Variants in RNF135 observed in about 807,000 individuals in gnomAD.
The protein encoded by RNF135 is E3 ubiquitin-protein ligase RNF135.
Under a neutral mutation model 41.9 loss-of-function variants are expected in RNF135, and 46 were observed. That is an observed-to-expected ratio of 1.10 (90% confidence interval 0.87 to 1.40). The LOEUF is 1.40. RNF135 is among the 40% of genes most tolerant of loss of function. The probability of loss-of-function intolerance (pLI) is 0.00; values close to 1 mark genes in which losing one functional copy is unlikely to be tolerated. For missense variants in RNF135, 539 were observed against 549.8 expected, an observed-to-expected ratio of 0.98 and a Z score of 0.20; for synonymous variants, 238 against 223.8, an observed-to-expected ratio of 1.06 and a Z score of -0.57.
intron 2 of RNF135, among the ~76,000 whole-genome samples, chr17:30,985,077 C>A (rs1005056618): frequency 6.6e-6 from 1 of 152,206 alleles, no homozygotes; most frequent in Non-Finnish European, 1.5e-5. Flanking sequence ...CAGCCTTTGA[C>A]ACTGTGGACC....
chr17:30,974,271 T>G (rs1352657835), intron 1 of RNF135, among the ~76,000 whole-genome samples: 1 of 152,244 alleles, frequency 6.6e-6, no homozygotes, highest in African/African-American at 2.4e-5. Flanking sequence ...TCTGTACTTA[T>G]GCTGGTACCA....
intron 1 of RNF135, among the ~76,000 whole-genome samples, chr17:30,980,905 C>T (rs7208448): frequency 0.014 from 2,041 of 150,916 alleles, 54 homozygotes; most frequent in African/African-American, 0.047. Context: ...AGGGGCTCCT[C>T]ATATCCCAGA....
Position 30,987,821 on chromosome 17 carries a change from G to A in RNF135, c.517-123G>A, listed in dbSNP as rs542385576. 3.3e-4 allele frequency: 323 copies of A among 988,280 alleles called. No homozygotes were observed. In the African/African-American group the frequency reaches 4.7e-3, roughly 14 times the overall value. The allele number at this position is 988,280 out of a possible 1,614,324, so 61.2% of individuals were successfully genotyped here. On this transcript the variant is annotated intron_variant, in intron 2 of 4. Coordinates refer to ENST00000328381, the MANE Select transcript of RNF135 (RefSeq NM_032322.4). ...GCATATTTTTTGAGGGCCTAATTTTGTTTTTAAAAACTTGCTGGGAATTAA... is the reference window on the plus strand; with the variant it reads ...GCATATTTTTTGAGGGCCTAATTTTATTTTTAAAAACTTGCTGGGAATTAA...
chr17:30,987,609 C>A (rs915714246), intron 2 of RNF135, among the ~76,000 whole-genome samples: 1 of 152,106 alleles, frequency 6.6e-6, no homozygotes, highest in African/African-American at 2.4e-5. Flanking sequence ...CTATAAGATG[C>A]GCCTAGAAAT....
Position 30,997,238 on chromosome 17 carries a change from T to A in RNF135, c.680-4T>A, listed in dbSNP as rs752702967. The A allele has an allele frequency of 1.2e-6, 2 of 1,613,234 alleles. No homozygotes were observed. The highest frequency in any genetic ancestry group is 1.7e-6 in the Non-Finnish European group (2 of 1,179,340). ...TTTCCTCTGTTAATTTTTTTGTTAC[T>A]TAGGAGAACTCCTGGAAGCCCCGTC... On this transcript the variant is annotated splice_polypyrimidine_tract_variant and splice_region_variant and intron_variant, in intron 3 of 4. Coordinates refer to ENST00000328381, the MANE Select transcript of RNF135 (RefSeq NM_032322.4).
the RNF135 span, chr17:30,959,105 G>C: frequency 6.6e-6 from 1 of 152,256 alleles, no homozygotes; most frequent in Non-Finnish European, 1.5e-5. Flanking sequence ...TTACTTGTCT[G>C]CCTCTTTGAC....
intron 3 of RNF135, among the ~76,000 whole-genome samples, chr17:30,988,416 A>ATTTTTTTTT (rs56955275): frequency 2.7e-4 from 22 of 81,898 alleles, no homozygotes; most frequent in Non-Finnish European, 3.1e-4. Context: ...GCCACTTTTA[A>ATTTTTTTTT]TTTTTTTTTT....
the RNF135 span, among the ~76,000 whole-genome samples, chr17:30,963,716 T>G: frequency 1.4e-4 from 22 of 152,218 alleles, no homozygotes; most frequent in East Asian, 1.5e-3. Flanking sequence ...AGAGTGTCAG[T>G]GAAGGCTTCT....
At chr17:30,993,301 T>C (rs1908119481) in intron 3 of RNF135, among the ~76,000 whole-genome samples, 1 of 152,170 alleles carries the variant, frequency 6.6e-6, no homozygotes, top group Non-Finnish European at 1.5e-5. Context: ...CCTCAGGTGA[T>C]CTGCCTGCCT....
chr17:30,993,583 G>T lies in RNF135; in HGVS notation c.680-3659G>T, dbSNP rs117012697. On this transcript the variant is annotated intron_variant, in intron 3 of 4. Transcript: ENST00000328381. ...TAGCATTTTCATGTTTAATGATATT[G>T]CTCTGCTTAAAATGTTGCTCTTAAC... 3.9e-4 allele frequency among the ~76,000 whole-genome samples: 59 copies of T among 151,990 alleles called. No homozygotes were observed. The East Asian group carries it at 0.011, about 27-fold the overall frequency.
chr17:30,963,727 T>TTAA, the RNF135 span, among the ~76,000 whole-genome samples: 4 of 152,348 alleles, frequency 2.6e-5, no homozygotes, highest in South Asian at 8.3e-4. Flanking sequence ...GAAGGCTTCT[T>TTAA]TAATCAAGGT....
chr17:30,967,546 A>G (rs187123980), upstream of RNF135, among the ~76,000 whole-genome samples: 12 of 152,298 alleles, frequency 7.9e-5, no homozygotes, highest in East Asian at 9.6e-4. Flanking sequence ...AGTTAAGAAG[A>G]ATTAAAAATT....
chr17:30,982,270 G>C (rs570986252), intron 1 of RNF135, among the ~76,000 whole-genome samples: 85 of 152,314 alleles, frequency 5.6e-4, no homozygotes, highest in Non-Finnish European at 1.0e-3. Flanking sequence ...ACAGTGGAGA[G>C]GCTTGCCAGA....
At chr17:30,988,156 G>T (rs1033095894) in intron 3 of RNF135, 50 bp downstream of exon 3, 3 of 1,544,210 alleles carry the variant, frequency 1.9e-6, no homozygotes, top group African/African-American at 1.4e-5. Flanking sequence ...AAGTTGGGGG[G>T]AGTAGCAGAG....
chr17:30,975,008 G>A (rs550830955), intron 1 of RNF135, among the ~76,000 whole-genome samples: 112 of 151,966 alleles, frequency 7.4e-4, no homozygotes, highest in Non-Finnish European at 1.4e-3. Flanking sequence ...AATTTTTCAG[G>A]CAGATTGTCA....
At chr17:30,997,415 C>G (rs752296947) in intron 4 of RNF135, 84 bp downstream of exon 4, 5 of 1,131,476 alleles carry the variant, frequency 4.4e-6, no homozygotes, top group Admixed American at 1.7e-5. Context: ...CTCCCTACTG[C>G]TAGGGCCACT....
chr17:30,983,320 CATAT>C (rs1189144519), intron 1 of RNF135, among the ~76,000 whole-genome samples: 32 of 37,070 alleles, frequency 8.6e-4, no homozygotes, highest in South Asian at 2.5e-3. Flanking sequence ...CATATATGTA[CATAT>C]ATATATATAT....
At chr17:30,990,414 C>T (rs1332375398) in intron 3 of RNF135, among the ~76,000 whole-genome samples, 3 of 152,108 alleles carry the variant, frequency 2.0e-5, no homozygotes, top group Non-Finnish European at 2.9e-5. Context: ...GTGCCAGCTA[C>T]TCCAGAGGCT....
chr17:30,998,890 A>C lies in RNF135; in HGVS notation c.998A>C (p.Glu333Ala). ...TGGGCAGTTGGGGTGGCTTCCTGGG[A>C]GATGAGCCGCGACCAGGTCCTGGGA... is the stretch of plus-strand genomic sequence containing the variant. ...SHWAVGVASW[E>A]MSRDQVLGRT... The change falls in exon 5 of 5, where the codon GAG becomes GCG. Residue 333 changes from glutamate (E) to alanine (A), a missense_variant. Physicochemically the swap from Glu to Ala is moderately radical, Grantham distance 107 (BLOSUM62 -1). Transcript: ENST00000328381. The C allele has an allele frequency of 6.2e-7, 1 of 1,611,734 alleles. No homozygotes were observed.
Sources: allele counts gnomAD v4.1 joint callset (sites outside exome capture counted in the v4.1 genomes callset), GRCh38; gene constraint gnomAD v4.1.1; transcripts MANE v1.5; gene names NCBI Gene and HGNC (gene_info 2026-07-23, HGNC 2026-07-21).